The following FBN2 variants were observed in gnomAD, a reference collection of about 807,000 sequenced individuals.
The protein encoded by FBN2 is fibrillin-2.
A neutral mutation model predicts 355.6 loss-of-function variants in FBN2; 105 were observed. The observed-to-expected ratio is 0.30, with a 90% CI of 0.25 to 0.35. The LOEUF (loss-of-function observed/expected upper bound fraction) is 0.35, where lower values mean the gene tolerates loss of function less well. FBN2 is among the 10% of genes least tolerant of loss of function. The pLI is 1.00. For missense variants in FBN2, 3,280 were observed against 3,758.7 expected, an observed-to-expected ratio of 0.87 and a Z score of 3.33; for synonymous variants, 1,350 against 1,301.2, an observed-to-expected ratio of 1.04 and a Z score of -0.81.
intron 6 of FBN2, 50 bp from the exon 7 acceptor site, chr5:128,446,656 T>G: frequency 6.3e-7 from 1 of 1,596,990 alleles, no homozygotes. Flanking sequence ...TTTCAGAATA[T>G]CTATACTTTT....
rs1765498393 is a variant in FBN2 at position 128,280,238 on chromosome 5, C to T, written c.7092G>A (p.Glu2364=). Residue 2364 remains glutamate, a synonymous_variant, in exon 56 of 65, where the codon GAG becomes GAA. Coordinates refer to ENST00000262464, the MANE Select transcript of FBN2 (RefSeq NM_001999.4). ...AACTTGACTGGAATCCTTCATTACA[C>T]TCACATCTATAGCTTCCAATAATGT... ...CVNIIGSYRC[E]CNEGFQSSSS... The T allele has an allele frequency of 1.2e-6, 2 of 1,611,554 alleles. No individual in the cohort carries two copies. Among genetic ancestry groups the T allele is most frequent in the Admixed American group, 1.7e-5 (1 of 59,998 alleles).
chr5:128,449,707 T>C (rs1251591304), intron 6 of FBN2, among the ~76,000 whole-genome samples: 1 of 151,710 alleles, frequency 6.6e-6, no homozygotes, highest in Non-Finnish European at 1.5e-5. Context: ...ATAAAATTGA[T>C]AATCATATGA....
At chr5:128,314,998 T>C (rs1750162481) in intron 36 of FBN2, among the ~76,000 whole-genome samples, 1 of 152,198 alleles carries the variant, frequency 6.6e-6, no homozygotes, top group African/African-American at 2.4e-5. Context: ...TATATGTGTC[T>C]CTGTATGGGC....
At chr5:128,494,173 T>C (rs773392107) in intron 5 of FBN2, among the ~76,000 whole-genome samples, 3 of 152,130 alleles carry the variant, frequency 2.0e-5, no homozygotes, top group Admixed American at 6.6e-5. Flanking sequence ...AGATAGACCA[T>C]TGTCTCCGCC....
chr5:128,411,976 T>C (rs1753081422), intron 7 of FBN2, among the ~76,000 whole-genome samples: 1 of 152,208 alleles, frequency 6.6e-6, no homozygotes. Flanking sequence ...ATATTATCTA[T>C]GTATAAACAA....
At chr5:128,421,846 C>T (rs1045237263) in intron 7 of FBN2, among the ~76,000 whole-genome samples, 3 of 152,154 alleles carry the variant, frequency 2.0e-5, no homozygotes, top group Admixed American at 2.0e-4. Context: ...TAGAACCTAT[C>T]AGTATGTGAG....
intron 8 of FBN2, among the ~76,000 whole-genome samples, chr5:128,406,765 C>T (rs1181224274): frequency 6.6e-6 from 1 of 152,134 alleles, no homozygotes; most frequent in Non-Finnish European, 1.5e-5. Flanking sequence ...TTGTTTATTT[C>T]TGGAATGTTC....
chr5:128,374,513 T>C, intron 15 of FBN2, 115 bp downstream of exon 15: 2 of 1,382,072 alleles, frequency 1.4e-6, no homozygotes, highest in South Asian at 2.3e-5. Flanking sequence ...GGTTTATCCA[T>C]GTTTTAGCAT....
intron 15 of FBN2, among the ~76,000 whole-genome samples, chr5:128,369,540 C>A (rs1297954421): frequency 6.6e-6 from 1 of 152,126 alleles, no homozygotes; most frequent in Non-Finnish European, 1.5e-5. Context: ...TGCATATCAC[C>A]GACTCTGTTT....
intron 5 of FBN2, among the ~76,000 whole-genome samples, chr5:128,485,029 C>T (rs944252070): frequency 1.3e-5 from 2 of 149,286 alleles, no homozygotes; most frequent in African/African-American, 2.4e-5. Context: ...CACAAGGAAA[C>T]TTTTTTTTTT....
chr5:128,379,368 C>CT (rs574396360), intron 11 of FBN2, among the ~76,000 whole-genome samples: 1 of 151,732 alleles, frequency 6.6e-6, no homozygotes, highest in South Asian at 2.1e-4. Flanking sequence ...TTTGGTATAA[C>CT]TTTTTTTTGG....
intron 7 of FBN2, among the ~76,000 whole-genome samples, chr5:128,411,436 T>A (rs1753058439): frequency 6.6e-6 from 1 of 151,980 alleles, no homozygotes; most frequent in Non-Finnish European, 1.5e-5. Context: ...GATGGGGAGG[T>A]GGAAAGCGGA....
intron 5 of FBN2, among the ~76,000 whole-genome samples, chr5:128,505,346 G>C (rs1383073456): frequency 6.6e-6 from 1 of 152,134 alleles, no homozygotes; most frequent in Non-Finnish European, 1.5e-5. Flanking sequence ...ATCCCTCACT[G>C]TGTTTCCCTA....
chr5:128,376,958 T>C (rs1752096152), intron 13 of FBN2, 105 bp from the exon 14 acceptor site: 4 of 1,385,592 alleles, frequency 2.9e-6, no homozygotes, highest in African/African-American at 1.4e-5. Flanking sequence ...AAATGAGCCA[T>C]GTGCTCATGG....
At chr5:128,266,601 G>A (rs1313360524) in intron 62 of FBN2, among the ~76,000 whole-genome samples, 3 of 152,070 alleles carry the variant, frequency 2.0e-5, no homozygotes, top group Non-Finnish European at 4.4e-5. Context: ...TGTGCTAGGT[G>A]TTCAGAAACA....
chr5:128,271,292 T>C lies in FBN2; in HGVS notation c.7960+707A>G, dbSNP rs555556788. The stretch of plus-strand genomic sequence containing the variant: ...GTTATGCCAGCACCTAGCATCAAAA[T>C]GTGTTGGTTGGAGTGTCTGTGAAGC... On this transcript the variant is annotated intron_variant, in intron 62 of 64. Transcript: ENST00000262464. 7.6e-4 allele frequency among the ~76,000 whole-genome samples: 116 copies of C among 152,308 alleles called. 2 individuals are homozygous for C. Among genetic ancestry groups the C allele is most frequent in the Admixed American group, 3.3e-3 (50 of 15,300 alleles).
chr5:128,531,182 C>T (rs952957670), intron 2 of FBN2, among the ~76,000 whole-genome samples: 2 of 151,770 alleles, frequency 1.3e-5, no homozygotes, highest in African/African-American at 2.4e-5. Context: ...AACTGTGATA[C>T]ATATAATATA....
intron 16 of FBN2, among the ~76,000 whole-genome samples, chr5:128,366,872 G>A (rs544782333): frequency 5.3e-5 from 8 of 152,004 alleles, no homozygotes; most frequent in Non-Finnish European, 1.2e-4. Context: ...AAATACTATT[G>A]TATTTTCCTT....
intron 3 of FBN2, among the ~76,000 whole-genome samples, chr5:128,528,501 C>A (rs998711160): frequency 2.0e-5 from 3 of 152,184 alleles, no homozygotes; most frequent in Non-Finnish European, 4.4e-5. Context: ...CAAGACCACT[C>A]TGAGGTGACA....
Sources: allele counts gnomAD v4.1 joint callset (sites outside exome capture counted in the v4.1 genomes callset), GRCh38; gene constraint gnomAD v4.1.1; transcripts MANE v1.5; gene names NCBI Gene and HGNC (gene_info 2026-07-23, HGNC 2026-07-21).